NCKAP5: variants seen among roughly 807,000 people sequenced by gnomAD.
The protein encoded by NCKAP5 is NCK associated protein 5, also known as nck-associated protein 5.
NCKAP5 carries 92 observed loss-of-function variants against 167.0 expected under a neutral mutation model. That is an observed-to-expected ratio of 0.55 (90% CI 0.47 to 0.66). The LOEUF (loss-of-function observed/expected upper bound fraction) is 0.66, where lower values mean the gene tolerates loss of function less well. Among genes scored for constraint, NCKAP5 ranks in the 30% least tolerant of loss-of-function variants. NCKAP5 has a pLI of 0.00. For missense variants in NCKAP5, 2,378 were observed against 2,315.0 expected, an observed-to-expected ratio of 1.03 and a Z score of -0.56; for synonymous variants, 891 against 877.4, an observed-to-expected ratio of 1.02 and a Z score of -0.27.
intron 6 of NCKAP5, among the ~76,000 whole-genome samples, chr2:133,063,967 C>T (rs1183007179): frequency 1.3e-5 from 2 of 152,212 alleles, no homozygotes; most frequent in African/African-American, 4.8e-5. Context: ...CCTTCAGGAA[C>T]TGTCCATGGT....
At chr2:132,958,516 T>G (rs2076408563) in intron 8 of NCKAP5, among the ~76,000 whole-genome samples, 1 of 152,212 alleles carries the variant, frequency 6.6e-6, no homozygotes, top group Non-Finnish European at 1.5e-5. Flanking sequence ...GGCTTCCTTT[T>G]ACATTTATAT....
intron 19 of NCKAP5, among the ~76,000 whole-genome samples, chr2:132,678,606 A>G (rs1684803429): frequency 6.6e-6 from 1 of 152,202 alleles, no homozygotes; most frequent in African/African-American, 2.4e-5. Flanking sequence ...ACTATGAGTC[A>G]GGTACTGGGT....
intron 6 of NCKAP5, among the ~76,000 whole-genome samples, chr2:133,019,677 T>C (rs1486896769): frequency 6.6e-6 from 1 of 152,184 alleles, no homozygotes; most frequent in Non-Finnish European, 1.5e-5. Context: ...TAAGAGTGCA[T>C]TGGATGTATC....
At chr2:133,067,749 AT>A (rs1194654461) in intron 6 of NCKAP5, among the ~76,000 whole-genome samples, 1 of 152,106 alleles carries the variant, frequency 6.6e-6, no homozygotes, top group African/African-American at 2.4e-5. Flanking sequence ...ATCATTTTGG[AT>A]TTTGTTCATT....
At chr2:133,460,132 A>C (rs1176122923) in intron 3 of NCKAP5, among the ~76,000 whole-genome samples, 1 of 152,202 alleles carries the variant, frequency 6.6e-6, no homozygotes, top group African/African-American at 2.4e-5. Flanking sequence ...AGAGCCCTCT[A>C]ACTACATTTT....
At chr2:133,660,392 G>T in the NCKAP5 span, among the ~76,000 whole-genome samples, 4 of 151,934 alleles carry the variant, frequency 2.6e-5, no homozygotes. Context: ...TATTTTGTGT[G>T]TGTGTGCATT....
intron 4 of NCKAP5, among the ~76,000 whole-genome samples, chr2:133,261,167 A>G (rs1259738425): frequency 2.0e-5 from 3 of 152,190 alleles, no homozygotes; most frequent in East Asian, 3.8e-4. Flanking sequence ...TCGCATTTCT[A>G]TAATGCTGTG....
At chr2:132,920,585 T>C (rs1041738929) in intron 8 of NCKAP5, among the ~76,000 whole-genome samples, 1 of 148,248 alleles carries the variant, frequency 6.7e-6, no homozygotes, top group Non-Finnish European at 1.5e-5. Context: ...GTGTTGACTT[T>C]CCATAGCATG....
intron 2 of NCKAP5, among the ~76,000 whole-genome samples, chr2:133,538,525 T>C (rs570411444): frequency 6.6e-6 from 1 of 151,894 alleles, no homozygotes; most frequent in Non-Finnish European, 1.5e-5. Context: ...CTGGCATATA[T>C]GAACAAATAA....
rs79177556 is a variant in NCKAP5, at chr2:133,306,616, A to T, written c.70-3506T>A. 2.6e-3 allele frequency among the ~76,000 whole-genome samples: 402 copies of T among 152,308 alleles called. 4 individuals are homozygous for T. The highest frequency in any genetic ancestry group is 0.022 in the East Asian group (113 of 5,180). On this transcript the variant is annotated intron_variant, in intron 3 of 19. Transcript: ENST00000409261. ...CAAGATAATAAAATGACATAAAATA[A>T]AGACAGGGCTGAGTGAGCTAAGAAT...
intron 19 of NCKAP5, among the ~76,000 whole-genome samples, chr2:132,720,749 C>T (rs1186192448): frequency 2.0e-5 from 3 of 152,222 alleles, no homozygotes; most frequent in African/African-American, 7.2e-5. Context: ...GTGGCTCACC[C>T]TGTAATCCCA....
chr2:132,976,581 A>G (rs990659207), intron 7 of NCKAP5, among the ~76,000 whole-genome samples: 40 of 151,290 alleles, frequency 2.6e-4, no homozygotes, highest in Middle Eastern at 3.4e-3. Context: ...AAAAAAAAAA[A>G]AAGAAGAAGA....
the NCKAP5 span, among the ~76,000 whole-genome samples, chr2:133,574,906 C>A: frequency 6.6e-6 from 1 of 152,174 alleles, no homozygotes; most frequent in Admixed American, 6.5e-5. Flanking sequence ...TGTCCAGGCA[C>A]AGGGCCAGGG....
chr2:133,510,510 T>TACATTCC (rs572990313), intron 3 of NCKAP5, among the ~76,000 whole-genome samples: 125 of 152,360 alleles, frequency 8.2e-4, no homozygotes, highest in African/African-American at 2.9e-3. Flanking sequence ...ACCTACATTC[T>TACATTCC]ACATTCCTTA....
intron 16 of NCKAP5, among the ~76,000 whole-genome samples, chr2:132,743,018 A>G (rs972216012): frequency 6.6e-6 from 1 of 151,912 alleles, no homozygotes; most frequent in Non-Finnish European, 1.5e-5. Context: ...AAATATATAT[A>G]GATTTTTGCT....
intron 19 of NCKAP5, among the ~76,000 whole-genome samples, chr2:132,701,214 A>G (rs564752853): frequency 2.6e-5 from 4 of 152,284 alleles, no homozygotes; most frequent in Non-Finnish European, 5.9e-5. Flanking sequence ...GAAAGATTCT[A>G]AAGTCTATCC....
rs571339195 is a variant in NCKAP5, at chr2:133,073,278, A to G, written c.341+56700T>C. On this transcript the variant is annotated intron_variant, in intron 6 of 19. Transcript: ENST00000409261. ...ATTCTCCCTGCCACGTACTGAGTCAAGCAAGTCTCAGCAAGAACTGAAAAG... is the reference window on the plus strand; with the variant it reads ...ATTCTCCCTGCCACGTACTGAGTCAGGCAAGTCTCAGCAAGAACTGAAAAG... Among the ~76,000 whole-genome samples, 4 of 152,228 alleles carry G rather than the reference A, an allele frequency of 2.6e-5. No homozygotes were observed. In the South Asian group the frequency reaches 8.3e-4, roughly 32 times the overall value.
Position 132,878,928 on chromosome 2 carries a change from T to C in NCKAP5, c.580-12A>G, listed in dbSNP as rs1691534848. 2 of 1,605,746 alleles carry C rather than the reference T, an allele frequency of 1.2e-6. No individual in the cohort carries two copies. The highest frequency in any genetic ancestry group is 1.3e-5 in the African/African-American group (1 of 74,726). ...GCTGAATTCTCTGCCTGCAGTAAGATACAAAAATAACACAAATAAATCAAT... is the reference window on the plus strand; with the variant it reads ...GCTGAATTCTCTGCCTGCAGTAAGACACAAAAATAACACAAATAAATCAAT... On this transcript the variant is annotated splice_polypyrimidine_tract_variant and intron_variant, in intron 8 of 19. Transcript: ENST00000409261.
Position 133,130,009 on chromosome 2 carries a change from G to C in NCKAP5, c.310C>G (p.Gln104Glu), listed in dbSNP as rs1230744950. The C allele has an allele frequency of 1.2e-6, 2 of 1,610,072 alleles. No individual in the cohort carries two copies. The highest frequency in any genetic ancestry group is 3.4e-5 in the Admixed American group (2 of 59,094). Residue 104 changes from glutamine to glutamate, a missense_variant, in exon 6 of 20, where the codon CAG becomes GAG. Physicochemically the swap from Gln to Glu is conservative, Grantham distance 29. This residue lies in a region of NCKAP5 where 1,049 missense variants were observed against 1,023.4 expected (regional missense o/e 1.02). Coordinates refer to ENST00000409261, the MANE Select transcript of NCKAP5 (RefSeq NM_207363.3). ...VTLESERNRI[Q>E]MRSLQQQFSR... ...AACTGCTGCTGCAAGCTACGCATCT[G>C]AATTCTGTTGCGTTCAGACTCTAGG...
Sources: gnomAD v4.1 joint callset for allele counts (sites outside exome capture counted in the v4.1 genomes callset) on GRCh38, gnomAD v4.1.1 for gene constraint, gnomAD v4.1.1 regional missense constraint, MANE v1.5 for transcripts, NCBI Gene and HGNC (gene_info 2026-07-23, HGNC 2026-07-21) for gene names.